Variants in SLC4A10 observed in about 807,000 individuals in gnomAD.
The protein encoded by SLC4A10 is sodium-driven chloride bicarbonate exchanger.
Under a neutral mutation model 137.7 loss-of-function variants are expected in SLC4A10, and 42 were observed. The observed-to-expected ratio is 0.30, with a 90% CI of 0.24 to 0.39. The LOEUF (loss-of-function observed/expected upper bound fraction) is 0.39. Among genes scored for constraint, SLC4A10 ranks in the 10% least tolerant of loss-of-function variants. The probability of loss-of-function intolerance (pLI) is 1.00; values close to 1 mark genes in which losing one functional copy is unlikely to be tolerated. For synonymous variants in SLC4A10, 474 were observed against 464.1 expected (o/e 1.02, Z -0.27); for missense variants, 925 against 1,355.0 (o/e 0.68, Z 4.98).
intron 2 of SLC4A10, among the ~76,000 whole-genome samples, chr2:161,788,358 G>A (rs1217741615): frequency 6.6e-6 from 1 of 151,988 alleles, no homozygotes; most frequent in Admixed American, 6.6e-5. Context: ...ATTTGGTGGT[G>A]CAATTCAGTC....
At chr2:161,904,741 G>A in intron 13 of SLC4A10, 35 bp from the exon 14 acceptor site, 1 of 1,612,252 alleles carries the variant, frequency 6.2e-7, no homozygotes, top group Non-Finnish European at 8.5e-7. Flanking sequence ...CTCCTGTACA[G>A]CTTAGGTAAT....
rs991545389 is a variant in SLC4A10 at position 161,810,188 on chromosome 2, G to A, written c.277+5593G>A. 4.6e-5 allele frequency among the ~76,000 whole-genome samples: 7 copies of A among 152,096 alleles called. No individual in the cohort carries two copies. The East Asian group carries it at 1.4e-3, about 29-fold the overall frequency. Reference sequence around the variant, plus strand: ...TCTGATACAATGTTATTGCTGTACAGAAATACTATTGACTTTTGTACATTG... The same window carrying A: ...TCTGATACAATGTTATTGCTGTACAAAAATACTATTGACTTTTGTACATTG... On this transcript the variant is annotated intron_variant, in intron 3 of 26. Coordinates refer to ENST00000446997, the MANE Select transcript of SLC4A10 (RefSeq NM_001178015.2).
At chr2:161,823,104 A>T (rs2125699692) in intron 3 of SLC4A10, among the ~76,000 whole-genome samples, 1 of 152,370 alleles carries the variant, frequency 6.6e-6, no homozygotes, top group Non-Finnish European at 1.5e-5. Context: ...TGCATAACAT[A>T]TAGGTAGATA....
intron 1 of SLC4A10, among the ~76,000 whole-genome samples, chr2:161,718,082 G>A (rs2045154682): frequency 6.6e-6 from 1 of 152,270 alleles, no homozygotes; most frequent in Middle Eastern, 3.4e-3. Context: ...AGATTTTCTA[G>A]TTTGTTTGCA....
intron 15 of SLC4A10, among the ~76,000 whole-genome samples, chr2:161,942,555 G>A (rs752703490): frequency 2.6e-5 from 4 of 151,998 alleles, no homozygotes; most frequent in Admixed American, 6.6e-5. Flanking sequence ...GGGCCAAATG[G>A]GTGTCATAAG....
rs1321433442 is a variant in SLC4A10, at chr2:161,985,032, T to G, written c.*1880T>G. 6.6e-6 allele frequency: 1 copy of G among 152,026 alleles called. No individual in the cohort carries two copies. The highest frequency in any genetic ancestry group is 1.5e-5 in the Non-Finnish European group (1 of 67,924). 9.4% of individuals were successfully genotyped at this position (152,026 alleles called of 1,614,324 possible). ...ATAGTCATTTTGTTCTTGTGTGAATTTTAAAGCTATCCCTATGTTAATCCT... is the reference window on the plus strand; with the variant it reads ...ATAGTCATTTTGTTCTTGTGTGAATGTTAAAGCTATCCCTATGTTAATCCT... On this transcript the variant is annotated 3_prime_UTR_variant, in exon 27 of 27. Coordinates refer to ENST00000446997, the MANE Select transcript of SLC4A10 (RefSeq NM_001178015.2).
chr2:161,935,515 A>G (rs934730681), intron 15 of SLC4A10, among the ~76,000 whole-genome samples: 2 of 152,054 alleles, frequency 1.3e-5, no homozygotes, highest in East Asian at 3.8e-4. Flanking sequence ...TAAACACAGG[A>G]TATTTTTCCT....
intron 15 of SLC4A10, among the ~76,000 whole-genome samples, chr2:161,933,441 T>C (rs1204137707): frequency 6.6e-6 from 1 of 151,416 alleles, no homozygotes; most frequent in Non-Finnish European, 1.5e-5. Context: ...TGTCACCCAG[T>C]GAGTACAGTG....
intron 1 of SLC4A10, among the ~76,000 whole-genome samples, chr2:161,721,488 T>G (rs904409079): frequency 6.6e-6 from 1 of 152,240 alleles, no homozygotes; most frequent in Non-Finnish European, 1.5e-5. Flanking sequence ...GAAATTCTTT[T>G]CTTTAAGACT....
intron 16 of SLC4A10, among the ~76,000 whole-genome samples, chr2:161,946,673 G>A (rs944889379): frequency 6.7e-6 from 1 of 149,402 alleles, no homozygotes; most frequent in African/African-American, 2.4e-5. Context: ...ATATTTGTTT[G>A]AAATGCTCAG....
At chr2:161,721,261 A>T (rs1345975182) in intron 1 of SLC4A10, among the ~76,000 whole-genome samples, 1 of 152,160 alleles carries the variant, frequency 6.6e-6, no homozygotes, top group East Asian at 1.9e-4. Context: ...TTGTTAGTGT[A>T]GTTGCTTCAT....
At chr2:161,768,693 A>G (rs1416315357) in intron 1 of SLC4A10, among the ~76,000 whole-genome samples, 1 of 152,006 alleles carries the variant, frequency 6.6e-6, no homozygotes, top group Non-Finnish European at 1.5e-5. Context: ...TGACACCTTG[A>G]TCAACTAACC....
At chr2:161,951,726 T>C (rs1694837762) in intron 19 of SLC4A10, among the ~76,000 whole-genome samples, 1 of 152,142 alleles carries the variant, frequency 6.6e-6, no homozygotes, top group Admixed American at 6.6e-5. Context: ...ATAGGAATGT[T>C]AGAAAGATGA....
At chr2:161,907,237 G>A (rs895065164) in intron 15 of SLC4A10, among the ~76,000 whole-genome samples, 3 of 152,118 alleles carry the variant, frequency 2.0e-5, no homozygotes, top group Non-Finnish European at 4.4e-5. Context: ...AAAGCAAATA[G>A]TGAGAATATT....
intron 3 of SLC4A10, among the ~76,000 whole-genome samples, chr2:161,825,393 A>T (rs2057947835): frequency 6.6e-6 from 1 of 152,026 alleles, no homozygotes; most frequent in Admixed American, 6.6e-5. Flanking sequence ...TTAATGTCAC[A>T]CTCCTTAGGC....
intron 1 of SLC4A10, among the ~76,000 whole-genome samples, chr2:161,672,999 A>C (rs2039899047): frequency 6.6e-6 from 1 of 152,228 alleles, no homozygotes; most frequent in Non-Finnish European, 1.5e-5. Context: ...TCTGAGTCTC[A>C]GGCTAATGCG....
chr2:161,772,242 A>G (rs2051712096), intron 2 of SLC4A10, among the ~76,000 whole-genome samples: 1 of 151,880 alleles, frequency 6.6e-6, no homozygotes, highest in Admixed American at 6.6e-5. Context: ...CATAAAAATA[A>G]TTTATCTTTG....
intron 1 of SLC4A10, 103 bp from the exon 2 acceptor site, chr2:161,770,870 G>A: frequency 2.7e-6 from 2 of 735,584 alleles, no homozygotes; most frequent in South Asian, 3.9e-5. Context: ...AGATTTAAAT[G>A]ACTGAATTAA....
chr2:161,767,235 CATATATAT>C, intron 1 of SLC4A10, among the ~76,000 whole-genome samples: 1 of 114,824 alleles, frequency 8.7e-6, no homozygotes, highest in South Asian at 2.8e-4. Flanking sequence ...TATATATACA[CATATATAT>C]ATATATATAT....
Sources: allele counts gnomAD v4.1 joint callset (sites outside exome capture counted in the v4.1 genomes callset), GRCh38; gene constraint gnomAD v4.1.1; transcripts MANE v1.5; gene names NCBI Gene and HGNC (gene_info 2026-07-23, HGNC 2026-07-21).